FHIT: variants seen among roughly 807,000 people sequenced by gnomAD.
FHIT encodes fragile histidine triad diadenosine triphosphatase.
Under a neutral mutation model 17.9 loss-of-function variants are expected in FHIT, and 19 were observed. The ratio of observed to expected loss-of-function variants is 1.06; its 90% CI spans 0.74 to 1.56. The LOEUF (loss-of-function observed/expected upper bound fraction) is 1.56, where lower values mean the gene tolerates loss of function less well. Among genes scored for constraint, FHIT ranks in the 40% most tolerant of loss-of-function variants. The probability of loss-of-function intolerance (pLI) is 0.00; values close to 1 mark genes in which losing one functional copy is unlikely to be tolerated. For missense variants in FHIT, 248 were observed against 189.2 expected (o/e 1.31, Z -1.82); for synonymous variants, 81 against 69.7 (o/e 1.16, Z -0.81).
intron 4 of FHIT, among the ~76,000 whole-genome samples, chr3:60,543,388 G>C (rs142276448): frequency 6.6e-6 from 1 of 152,140 alleles, no homozygotes; most frequent in Non-Finnish European, 1.5e-5. Context: ...AAAATTCTTA[G>C]ATGTTGATTA....
At chr3:60,399,588 G>A (rs1701583306) in intron 5 of FHIT, among the ~76,000 whole-genome samples, 1 of 152,102 alleles carries the variant, frequency 6.6e-6, no homozygotes, top group Non-Finnish European at 1.5e-5. Flanking sequence ...ACACAATGAA[G>A]CAATCAGAAA....
rs574214322 is a variant in FHIT at position 60,031,364 on chromosome 3, C to A, written c.104-17212G>T. Among the ~76,000 whole-genome samples, 3 of 152,296 alleles carry A rather than the reference C, an allele frequency of 2.0e-5. No homozygotes were observed. The East Asian group carries it at 5.8e-4, about 29-fold the overall frequency. ...GAGAAATGAGGAAACAAGGGTCAAC[C>A]TTTGACTATAGCATTGCAAAGGCAG... On this transcript the variant is annotated intron_variant, in intron 5 of 9. Transcript: ENST00000492590.
chr3:61,150,249 A>C (rs1004141276), intron 2 of FHIT, among the ~76,000 whole-genome samples: 1 of 152,112 alleles, frequency 6.6e-6, no homozygotes, highest in Non-Finnish European at 1.5e-5. Context: ...AGGCTTTTAC[A>C]TGGTAGTGAT....
chr3:60,712,714 C>G (rs1275317639), intron 4 of FHIT, among the ~76,000 whole-genome samples: 1 of 149,806 alleles, frequency 6.7e-6, no homozygotes, highest in Non-Finnish European at 1.5e-5. Flanking sequence ...ATCAATTCAA[C>G]AAGAAGAGCT....
chr3:61,155,442 C>A (rs762415665), intron 2 of FHIT, among the ~76,000 whole-genome samples: 5 of 152,128 alleles, frequency 3.3e-5, no homozygotes, highest in Non-Finnish European at 1.5e-5. Flanking sequence ...CTAGTCAACA[C>A]CTACTATTCT....
chr3:60,812,206 C>T (rs1701591486), intron 4 of FHIT, among the ~76,000 whole-genome samples: 1 of 147,324 alleles, frequency 6.8e-6, no homozygotes, highest in African/African-American at 2.5e-5. Flanking sequence ...CAGAGTCTGG[C>T]TGTTGTTGCT....
chr3:60,970,566 T>C (rs1456862193), intron 3 of FHIT, among the ~76,000 whole-genome samples: 1 of 152,192 alleles, frequency 6.6e-6, no homozygotes, highest in Non-Finnish European at 1.5e-5. Flanking sequence ...TAATCAAATA[T>C]ATTTTATATT....
intron 1 of FHIT, among the ~76,000 whole-genome samples, chr3:61,207,064 C>G (rs1337798169): frequency 6.6e-6 from 1 of 152,172 alleles, no homozygotes; most frequent in Non-Finnish European, 1.5e-5. Context: ...TTTTCTGCAT[C>G]TATTGAGATA....
intron 8 of FHIT, among the ~76,000 whole-genome samples, chr3:59,762,217 C>T (rs1332125550): frequency 1.3e-5 from 2 of 152,138 alleles, no homozygotes; most frequent in Non-Finnish European, 2.9e-5. Flanking sequence ...TCACACTGCT[C>T]AGAACGTTGT....
chr3:61,188,981 G>C (rs2038619385), intron 2 of FHIT, among the ~76,000 whole-genome samples: 1 of 151,906 alleles, frequency 6.6e-6, no homozygotes, highest in Non-Finnish European at 1.5e-5. Context: ...ATATCATACT[G>C]AATGGGCAAA....
chr3:61,028,593 T>C (rs1470909911), intron 3 of FHIT, among the ~76,000 whole-genome samples: 1 of 152,176 alleles, frequency 6.6e-6, no homozygotes, highest in Non-Finnish European at 1.5e-5. Context: ...TCACTAACTG[T>C]GTGAACACGT....
intron 2 of FHIT, among the ~76,000 whole-genome samples, chr3:61,091,019 G>A (rs950413310): frequency 6.6e-6 from 1 of 152,132 alleles, no homozygotes; most frequent in Non-Finnish European, 1.5e-5. Flanking sequence ...TATCTTCTGT[G>A]GTTTAAAAAC....
chr3:61,027,163 G>A (rs1026734033), intron 3 of FHIT, among the ~76,000 whole-genome samples: 6 of 151,774 alleles, frequency 4.0e-5, no homozygotes, highest in South Asian at 2.1e-4. Flanking sequence ...CTTGGCTCAC[G>A]GCAACCTCTG....
At chr3:60,568,387 C>T (rs1466240005) in intron 4 of FHIT, among the ~76,000 whole-genome samples, 2 of 151,656 alleles carry the variant, frequency 1.3e-5, no homozygotes, top group African/African-American at 2.4e-5. Flanking sequence ...TGTTCTCACT[C>T]ATAGGTGGGA....
chr3:60,910,350 T>C (rs1706674632), intron 3 of FHIT, among the ~76,000 whole-genome samples: 1 of 150,490 alleles, frequency 6.6e-6, no homozygotes, highest in Non-Finnish European at 1.5e-5. Flanking sequence ...GTGAGGGGGG[T>C]GAGAGCAGAG....
At chr3:60,087,266 C>T (rs1703534237) in intron 5 of FHIT, among the ~76,000 whole-genome samples, 1 of 152,146 alleles carries the variant, frequency 6.6e-6, no homozygotes, top group East Asian at 1.9e-4. Flanking sequence ...CACCTCTGGG[C>T]CTATGATAGG....
intron 5 of FHIT, among the ~76,000 whole-genome samples, chr3:60,070,676 A>G (rs1240606679): frequency 2.3e-5 from 3 of 127,836 alleles, no homozygotes; most frequent in Non-Finnish European, 4.9e-5. Flanking sequence ...ACAGGCAAAC[A>G]GAGTGGGCCC....
At chr3:60,550,611 ATT>A (rs5849376) in intron 4 of FHIT, among the ~76,000 whole-genome samples, 35,583 of 138,422 alleles carry the variant, frequency 0.26, 4,267 homozygotes, top group Middle Eastern at 0.32. Context: ...CTGTTCTGTC[ATT>A]TTTTTTTTTT....
intron 7 of FHIT, among the ~76,000 whole-genome samples, chr3:59,978,723 G>T (rs1708520676): frequency 6.7e-6 from 1 of 149,114 alleles, no homozygotes; most frequent in South Asian, 2.2e-4. Flanking sequence ...AATTTTGGAG[G>T]TTTCAAAGTG....
Sources: allele counts gnomAD v4.1 joint callset (sites outside exome capture counted in the v4.1 genomes callset), GRCh38; gene constraint gnomAD v4.1.1; transcripts MANE v1.5; gene names NCBI Gene and HGNC (gene_info 2026-07-23, HGNC 2026-07-21).